The following RASAL2 variants were observed in gnomAD, a reference collection of about 807,000 sequenced individuals.
RASAL2 encodes ras GTPase-activating protein nGAP.
Under a neutral mutation model 128.9 loss-of-function variants are expected in RASAL2, and 58 were observed. The ratio of observed to expected loss-of-function variants is 0.45; its 90% CI spans 0.36 to 0.56. RASAL2 has a LOEUF of 0.56. Ranked by LOEUF, RASAL2 falls within the 20% of genes least tolerant of loss-of-function variation. The pLI, the probability that RASAL2 is intolerant of heterozygous loss-of-function variation, is 0.00. For synonymous variants in RASAL2, 561 were observed against 580.8 expected, an observed-to-expected ratio of 0.97 and a Z score of 0.49; for missense variants, 1,360 against 1,601.6, an observed-to-expected ratio of 0.85 and a Z score of 2.57.
chr1:178,294,467 C>T (rs1189339889), intron 2 of RASAL2, among the ~76,000 whole-genome samples: 1 of 152,136 alleles, frequency 6.6e-6, no homozygotes, highest in South Asian at 2.1e-4. Context: ...CAGGCAGATA[C>T]CAGTGAAGAA....
intron 1 of RASAL2, among the ~76,000 whole-genome samples, chr1:178,229,477 C>G (rs2095133): frequency 0.091 from 13,171 of 145,102 alleles, 595 homozygotes; most frequent in Middle Eastern, 0.14. Context: ...TTTTGTAGAA[C>G]TTTTTTTTTT....
chr1:178,446,645 G>A (rs779931539), intron 9 of RASAL2, among the ~76,000 whole-genome samples: 4 of 152,102 alleles, frequency 2.6e-5, no homozygotes, highest in Non-Finnish European at 4.4e-5. Flanking sequence ...TGACTATCAA[G>A]AATAGAAAGT....
chr1:178,137,434 A>C (rs189983288), intron 1 of RASAL2, among the ~76,000 whole-genome samples: 3 of 152,136 alleles, frequency 2.0e-5, no homozygotes, highest in Non-Finnish European at 2.9e-5. Context: ...AGTTAGTTCT[A>C]CTGTCTCCCT....
At chr1:178,278,897 T>TG (rs141452647) in intron 1 of RASAL2, among the ~76,000 whole-genome samples, 16,537 of 152,242 alleles carry the variant, frequency 0.11, 1,144 homozygotes, top group African/African-American at 0.19. Context: ...TATCATGCTA[T>TG]GATGCTCCTT....
chr1:178,240,186 T>C (rs752014040), intron 1 of RASAL2, among the ~76,000 whole-genome samples: 1 of 152,104 alleles, frequency 6.6e-6, no homozygotes, highest in Non-Finnish European at 1.5e-5. Flanking sequence ...GTGGAAATTA[T>C]GGAGTTGCTG....
intron 1 of RASAL2, among the ~76,000 whole-genome samples, chr1:178,101,248 A>G (rs1558053413): frequency 6.6e-6 from 1 of 152,234 alleles, no homozygotes; most frequent in Non-Finnish European, 1.5e-5. Context: ...TTCATTTGCT[A>G]GACTATGATA....
In RASAL2 at chr1:178,147,479, CA is replaced by C. The variant is rs71297899; in HGVS notation, c.202+52802del. Among the ~76,000 whole-genome samples, 322 of 82,982 alleles carry C rather than the reference CA, an allele frequency of 3.9e-3. 3 individuals are homozygous for C. In the East Asian group the frequency reaches 0.066, roughly 17 times the overall value. 54.4% of individuals were successfully genotyped at this position (82,982 alleles called of 152,430 possible). On this transcript the variant is annotated intron_variant, in intron 1 of 17. Transcript: ENST00000367649. ...TGGGCTACAGAGTGAGACTCCGTCT[CA>C]AAAAAAAAAAAAAAAAGAAAAGTAA...
At chr1:178,340,557 T>C (rs889971403) in intron 3 of RASAL2, among the ~76,000 whole-genome samples, 2 of 152,186 alleles carry the variant, frequency 1.3e-5, no homozygotes, top group African/African-American at 4.8e-5. Flanking sequence ...GAAAATTAGC[T>C]TTGGAAAGCC....
chr1:178,112,394 A>G (rs1315950350), intron 1 of RASAL2, among the ~76,000 whole-genome samples: 1 of 151,982 alleles, frequency 6.6e-6, no homozygotes, highest in Admixed American at 6.6e-5. Flanking sequence ...TACTAAAAAT[A>G]CAAAAGTTAG....
At chr1:178,245,056 T>C (rs1419259390) in intron 1 of RASAL2, among the ~76,000 whole-genome samples, 1 of 152,224 alleles carries the variant, frequency 6.6e-6, no homozygotes, top group African/African-American at 2.4e-5. Context: ...TATGTCTTTA[T>C]AGTAGAATGA....
At chr1:178,121,546 C>T (rs1211268972) in intron 1 of RASAL2, among the ~76,000 whole-genome samples, 3 of 151,578 alleles carry the variant, frequency 2.0e-5, no homozygotes, top group African/African-American at 7.3e-5. Context: ...AGTGCAGTGG[C>T]GTGATCTTGG....
intron 1 of RASAL2, among the ~76,000 whole-genome samples, chr1:178,126,919 C>T (rs1249479008): frequency 1.3e-5 from 2 of 152,182 alleles, no homozygotes; most frequent in African/African-American, 4.8e-5. Context: ...CTGACTCAGT[C>T]AGTGGTTTGA....
In RASAL2 at chr1:178,389,551, T is replaced by C. The variant is rs76654523; in HGVS notation, c.458-549T>C. On this transcript the variant is annotated intron_variant, in intron 3 of 17. Coordinates refer to ENST00000367649, the MANE Select transcript of RASAL2 (RefSeq NM_170692.4). ...TATTGCCAGAACAAGGAGAAGCTGA[T>C]CTATTTTTATATCTGCATAGGCATA... Among the ~76,000 whole-genome samples, 615 of 152,250 alleles carry C rather than the reference T, an allele frequency of 4.0e-3. 3 individuals are homozygous for C. Among genetic ancestry groups the C allele is most frequent in the African/African-American group, 0.013 (527 of 41,528 alleles).
chr1:178,193,149 C>A (rs576340767), intron 1 of RASAL2, among the ~76,000 whole-genome samples: 1 of 152,308 alleles, frequency 6.6e-6, no homozygotes, highest in East Asian at 1.9e-4. Context: ...TCTGCCATGA[C>A]AAATAAATCA....
intron 1 of RASAL2, among the ~76,000 whole-genome samples, chr1:178,147,479 C>CAAAAAAAAAA (rs71297899): frequency 2.4e-5 from 2 of 82,970 alleles, no homozygotes; most frequent in African/African-American, 8.4e-5. Context: ...GACTCCGTCT[C>CAAAAAAAAAA]AAAAAAAAAA....
intron 1 of RASAL2, among the ~76,000 whole-genome samples, chr1:178,162,401 ATT>A (rs753380011): frequency 6.1e-5 from 7 of 114,062 alleles, no homozygotes; most frequent in African/African-American, 2.4e-4. Context: ...TATATTATAT[ATT>A]TTATATATTA....
In RASAL2 at chr1:178,373,932, C is replaced by T. The variant is rs181118144; in HGVS notation, c.458-16168C>T. On this transcript the variant is annotated intron_variant, in intron 3 of 17. Transcript: ENST00000367649. ...TGTTGACTTCTGGGTAGTCAATTCCCGATTATCCACCCAATGGAAGCTTCA... is the reference window on the plus strand; with the variant it reads ...TGTTGACTTCTGGGTAGTCAATTCCTGATTATCCACCCAATGGAAGCTTCA... Among the ~76,000 whole-genome samples the T allele has an allele frequency of 5.3e-5, 8 of 152,084 alleles. No homozygotes were observed. The East Asian group carries it at 1.2e-3, about 22-fold the overall frequency.
intron 1 of RASAL2, among the ~76,000 whole-genome samples, chr1:178,115,021 AT>A (rs538342310): frequency 3.3e-5 from 5 of 152,072 alleles, no homozygotes; most frequent in Admixed American, 3.3e-4. Flanking sequence ...TACATTATAA[AT>A]TTTTTTTCCA....
intron 3 of RASAL2, among the ~76,000 whole-genome samples, chr1:178,358,517 A>G (rs371186173): frequency 2.0e-5 from 3 of 152,314 alleles, no homozygotes; most frequent in African/African-American, 7.2e-5. Flanking sequence ...AGAGATATAA[A>G]GAAGACTTTC....
Sources: gnomAD v4.1 joint callset for allele counts (sites outside exome capture counted in the v4.1 genomes callset) on GRCh38, gnomAD v4.1.1 for gene constraint, MANE v1.5 for transcripts, NCBI Gene and HGNC (gene_info 2026-07-23, HGNC 2026-07-21) for gene names.